The following BTD variants were observed in gnomAD, a reference collection of about 807,000 sequenced individuals.
BTD encodes biotinidase.
BTD carries 13 observed loss-of-function variants against 17.7 expected under a neutral mutation model. The observed-to-expected ratio is 0.74, with a 90% CI of 0.48 to 1.17. BTD has a LOEUF of 1.17. Among genes scored for constraint, BTD ranks in the 50% most tolerant of loss-of-function variants. The pLI is 0.00. For synonymous variants in BTD, 240 were observed against 245.2 expected (o/e 0.98, Z 0.20); for missense variants, 674 against 650.4 (o/e 1.04, Z -0.39).
intron 3 of BTD, chr3:15,696,002 A>C (rs1299608934): frequency 1.5e-6 from 1 of 661,300 alleles, no homozygotes; most frequent in African/African-American, 1.8e-5. Flanking sequence ...TGTGAATTTA[A>C]GAGGTATATA....
intron 1 of BTD, 93 bp downstream of exon 1, chr3:15,601,987 C>A: frequency 6.4e-7 from 1 of 1,568,014 alleles, no homozygotes; most frequent in Non-Finnish European, 8.7e-7. Flanking sequence ...TTGGGGAGGG[C>A]TGCGCAAAGG....
At chr3:15,689,578 G>C (rs553754990) in intron 3 of BTD, among the ~76,000 whole-genome samples, 1 of 152,344 alleles carries the variant, frequency 6.6e-6, no homozygotes, top group Admixed American at 6.5e-5. Flanking sequence ...GAGCAGGACA[G>C]TTTTAATGAC....
intron 3 of BTD, among the ~76,000 whole-genome samples, chr3:15,704,347 T>A (rs1293879317): frequency 6.6e-6 from 1 of 151,980 alleles, no homozygotes; most frequent in Non-Finnish European, 1.5e-5. Flanking sequence ...AAAGTGAGGA[T>A]GAAGGGATAA....
Position 15,645,450 on chromosome 3 carries a change from A to C in BTD, c.1534A>C (p.Thr512Pro). The C allele has an allele frequency of 6.2e-7, 1 of 1,612,056 alleles. No individual in the cohort carries two copies. Among genetic ancestry groups the C allele is most frequent in the Non-Finnish European group, 8.5e-7 (1 of 1,180,002 alleles). Residue 512 changes from threonine to proline, a missense_variant, in exon 4 of 4, where the codon ACG becomes CCG. Physicochemically the swap from Thr to Pro is conservative, Grantham distance 38. Coordinates refer to ENST00000643237, the MANE Select transcript of BTD (RefSeq NM_001370658.1). ...AAGTAGGCTGTCCTCTGGGCTGGTGACGGCGGCTCTCTATGGGCGCTTGTA... is the reference window on the plus strand; with the variant it reads ...AAGTAGGCTGTCCTCTGGGCTGGTGCCGGCGGCTCTCTATGGGCGCTTGTA... The part of the protein sequence containing the change: ...RKSRLSSGLV[T>P]AALYGRLYER...
intron 4 of BTD, among the ~76,000 whole-genome samples, chr3:15,719,588 G>A (rs763315359): frequency 6.6e-6 from 1 of 152,138 alleles, no homozygotes; most frequent in Non-Finnish European, 1.5e-5. Context: ...TCATTCATTT[G>A]AGGCAAGGTC....
At chr3:15,689,113 T>TA (rs918853221) in intron 3 of BTD, among the ~76,000 whole-genome samples, 2 of 152,212 alleles carry the variant, frequency 1.3e-5, no homozygotes, top group East Asian at 1.9e-4. Flanking sequence ...TTTTACCACT[T>TA]AAAGTCAAAA....
chr3:15,705,677 A>G (rs2071255523), intron 3 of BTD, among the ~76,000 whole-genome samples: 1 of 152,212 alleles, frequency 6.6e-6, no homozygotes, highest in Non-Finnish European at 1.5e-5. Flanking sequence ...ATATTCTTGC[A>G]AATAAAATAC....
At chr3:15,667,436 T>C (rs1001225798) in intron 3 of BTD, 7 of 152,212 alleles carry the variant, frequency 4.6e-5, no homozygotes, top group African/African-American at 1.7e-4. Context: ...ATAATACACA[T>C]CAGATATTTC....
chr3:15,671,941 T>C (rs1393574907), intron 3 of BTD, among the ~76,000 whole-genome samples: 4 of 152,152 alleles, frequency 2.6e-5, no homozygotes, highest in African/African-American at 9.7e-5. Flanking sequence ...TATGTATTAT[T>C]TCATATCTGG....
At chr3:15,717,296 G>C (rs1162677185), downstream of BTD, among the ~76,000 whole-genome samples, 1 of 152,002 alleles carries the variant, frequency 6.6e-6, no homozygotes, top group African/African-American at 2.4e-5. Context: ...TTTATTATAA[G>C]CCTATATGTG....
chr3:15,670,479 G>T, intron 3 of BTD: 2 of 1,613,978 alleles, frequency 1.2e-6, no homozygotes, highest in East Asian at 4.5e-5. Flanking sequence ...GATGAGACAG[G>T]CATCATGGTG....
chr3:15,663,284 G>A (rs1359429098), intron 3 of BTD, among the ~76,000 whole-genome samples: 24 of 152,302 alleles, frequency 1.6e-4, no homozygotes, highest in Admixed American at 1.3e-3. Flanking sequence ...GTGAGCCGCC[G>A]CGCCTGGCCT....
At chr3:15,705,006 T>C (rs1575267413) in intron 3 of BTD, among the ~76,000 whole-genome samples, 1 of 152,284 alleles carries the variant, frequency 6.6e-6, no homozygotes, top group South Asian at 2.1e-4. Flanking sequence ...CTTTTACAAA[T>C]AAAGAATATT....
chr3:15,718,006 G>T (rs1004716297), intron 4 of BTD, among the ~76,000 whole-genome samples: 2 of 151,988 alleles, frequency 1.3e-5, no homozygotes, highest in African/African-American at 4.8e-5. Flanking sequence ...GAATATGAGG[G>T]TTAGTAAATC....
chr3:15,662,995 T>C (rs1002855620), intron 3 of BTD, among the ~76,000 whole-genome samples: 2 of 151,974 alleles, frequency 1.3e-5, no homozygotes, highest in South Asian at 4.2e-4. Flanking sequence ...TCTATGTTCA[T>C]GAGAAATATT....
Position 15,645,511 on chromosome 3 carries a change from C to T in BTD, c.*23C>T, listed in dbSNP as rs766374135. On this transcript the variant is annotated 3_prime_UTR_variant, in exon 4 of 4. Transcript: ENST00000643237. ...TAGGAAAAGTGTGTGGTCTGTGGGG[C>T]GGACTCTGGCCATCATGTTGACAGC... The T allele has an allele frequency of 1.5e-5, 24 of 1,599,022 alleles. No individual in the cohort carries two copies. The highest frequency in any genetic ancestry group is 1.7e-4 in the Middle Eastern group (1 of 5,868).
At chr3:15,707,873 T>A in intron 3 of BTD, 1 of 1,573,808 alleles carries the variant, frequency 6.4e-7, no homozygotes, top group Non-Finnish European at 8.7e-7. Context: ...ATATGGAAGA[T>A]GCCAGTTTAT....
chr3:15,602,162 A>G (rs2064280612), intron 1 of BTD: 2 of 1,410,218 alleles, frequency 1.4e-6, no homozygotes, highest in East Asian at 5.1e-5. Context: ...AGCGCACGTT[A>G]CTTAAATCCA....
At chr3:15,680,988 T>C (rs2067481524) in intron 3 of BTD, among the ~76,000 whole-genome samples, 1 of 152,192 alleles carries the variant, frequency 6.6e-6, no homozygotes. Context: ...TTTTAGGAAG[T>C]ATTTTTGTAG....
Sources: gnomAD v4.1 joint callset for allele counts (sites outside exome capture counted in the v4.1 genomes callset) on GRCh38, gnomAD v4.1.1 for gene constraint, MANE v1.5 for transcripts, NCBI Gene and HGNC (gene_info 2026-07-23, HGNC 2026-07-21) for gene names.